Variants in HGD observed in about 807,000 individuals in gnomAD.
HGD encodes the protein homogentisate oxidase.
Under a neutral mutation model 60.8 loss-of-function variants are expected in HGD, and 61 were observed. That is an observed-to-expected ratio of 1.00 (90% CI 0.82 to 1.24). The LOEUF (loss-of-function observed/expected upper bound fraction) is 1.24. HGD is among the 50% of genes most tolerant of loss of function. HGD has a pLI of 0.00. For synonymous variants in HGD, 212 were observed against 187.7 expected, an observed-to-expected ratio of 1.13 and a Z score of -1.06; for missense variants, 542 against 547.1, an observed-to-expected ratio of 0.99 and a Z score of 0.09.
In HGD at chr3:120,674,929, T is replaced by C; in HGVS notation, c.148A>G (p.Thr50Ala). Residue 50 changes from threonine (T) to alanine (A), a missense_variant, in exon 3 of 14, where the codon ACT becomes GCT. Around this residue, in one of 2 missense-constraint regions of HGD, gnomAD observed 537 missense variants for 529.1 expected, o/e 1.01. Coordinates refer to ENST00000283871, the MANE Select transcript of HGD (RefSeq NM_000187.4). ...YAEQLSGSAF[T>A]CPRSTNKRSW... ...CTCTTATTGGTGCTCCGTGGACAAG[T>C]GAAAGCCGATCCTGAGAGCTGCTCA... 2 of 1,611,616 alleles carry C rather than the reference T, an allele frequency of 1.2e-6. No individual in the cohort carries two copies. Among genetic ancestry groups the C allele is most frequent in the Non-Finnish European group, 8.5e-7 (1 of 1,178,038 alleles).
chr3:120,648,164 AAAG>A (rs1415854509), intron 6 of HGD, among the ~76,000 whole-genome samples: 1 of 152,190 alleles, frequency 6.6e-6, no homozygotes, highest in African/African-American at 2.4e-5. Flanking sequence ...TGAGGGAATG[AAAG>A]AATAGCGACT....
intron 1 of HGD, among the ~76,000 whole-genome samples, chr3:120,677,711 A>C (rs753207617): frequency 1.5e-4 from 23 of 152,136 alleles, no homozygotes; most frequent in Non-Finnish European, 2.9e-4. Flanking sequence ...ACCCACACCT[A>C]TTTGCACACT....
chr3:120,650,483 T>C (rs1941303961), intron 6 of HGD, among the ~76,000 whole-genome samples: 1 of 152,246 alleles, frequency 6.6e-6, no homozygotes, highest in Non-Finnish European at 1.5e-5. Context: ...AAAGTCAAAA[T>C]GCCTTTCGAT....
At chr3:120,659,171 G>A (rs965352986) in intron 4 of HGD, among the ~76,000 whole-genome samples, 2 of 152,078 alleles carry the variant, frequency 1.3e-5, no homozygotes, top group Admixed American at 6.5e-5. Context: ...TCTACCACAT[G>A]GCCAGGCTGC....
Position 120,682,164 on chromosome 3 carries a change from T to C in HGD, c.-53A>G, listed in dbSNP as rs1576324321. Reference sequence around the variant, plus strand: ...TCAGGAAACCCAGGCCCAGAGGATATAAAGCCACAATGCTTCTTTCTCCTT... The same window carrying C: ...TCAGGAAACCCAGGCCCAGAGGATACAAAGCCACAATGCTTCTTTCTCCTT... On this transcript the variant is annotated 5_prime_UTR_variant, in exon 1 of 14. Transcript: ENST00000283871. The C allele has an allele frequency of 1.3e-6, 2 of 1,569,012 alleles. No individual in the cohort carries two copies. Among genetic ancestry groups the C allele is most frequent in the East Asian group, 2.2e-5 (1 of 44,714 alleles).
At chr3:120,677,581 T>C (rs1170290501) in intron 1 of HGD, among the ~76,000 whole-genome samples, 2 of 152,206 alleles carry the variant, frequency 1.3e-5, no homozygotes, top group Non-Finnish European at 2.9e-5. Context: ...TCAATGACAA[T>C]GGTGCCCGAA....
intron 4 of HGD, among the ~76,000 whole-genome samples, chr3:120,662,034 G>A (rs570232885): frequency 3.3e-5 from 5 of 152,162 alleles, no homozygotes; most frequent in Admixed American, 6.5e-5. Context: ...ATTTAGATGG[G>A]TGAGTATTTG....
intron 13 of HGD, among the ~76,000 whole-genome samples, chr3:120,631,635 T>A (rs1940594508): frequency 6.6e-6 from 1 of 152,218 alleles, no homozygotes. Context: ...AAAAGCCCCA[T>A]CCCAGCTGAC....
chr3:120,681,598 C>T (rs1042771605), intron 1 of HGD, among the ~76,000 whole-genome samples: 12 of 152,300 alleles, frequency 7.9e-5, no homozygotes, highest in African/African-American at 2.6e-4. Flanking sequence ...CAGCACATAA[C>T]CCACACATAC....
intron 4 of HGD, among the ~76,000 whole-genome samples, chr3:120,665,815 T>C (rs1707886740): frequency 6.6e-6 from 1 of 152,178 alleles, no homozygotes; most frequent in Non-Finnish European, 1.5e-5. Flanking sequence ...TGTGGATAGT[T>C]GGTGAAGCTG....
intron 4 of HGD, among the ~76,000 whole-genome samples, chr3:120,663,508 C>T (rs760632439): frequency 2.6e-4 from 40 of 152,104 alleles, no homozygotes; most frequent in Admixed American, 2.1e-3. Context: ...AGGTCCCTCC[C>T]GTAACACGTG....
At chr3:120,644,951 G>C (rs912457250) in intron 9 of HGD, among the ~76,000 whole-genome samples, 2 of 152,170 alleles carry the variant, frequency 1.3e-5, no homozygotes, top group Non-Finnish European at 2.9e-5. Flanking sequence ...AACCCTGTCT[G>C]CCACTCAGGA....
At chr3:120,662,648 A>G (rs997663888) in intron 4 of HGD, among the ~76,000 whole-genome samples, 33 of 152,206 alleles carry the variant, frequency 2.2e-4, no homozygotes, top group African/African-American at 8.0e-4. Flanking sequence ...CTATTGCTCA[A>G]GGAGTTCCTC....
intron 4 of HGD, among the ~76,000 whole-genome samples, chr3:120,662,991 TG>T (rs1004688430): frequency 1.6e-4 from 25 of 151,988 alleles, no homozygotes; most frequent in Non-Finnish European, 8.8e-5. Context: ...GAAGATGATG[TG>T]AGGAGCCAAG....
intron 4 of HGD, among the ~76,000 whole-genome samples, chr3:120,664,459 A>C (rs1233929901): frequency 1.0e-5 from 1 of 96,362 alleles, no homozygotes; most frequent in African/African-American, 3.9e-5. Context: ...ATAGGGTTTC[A>C]CACTGTTGCC....
At chr3:120,648,485 A>G (rs566569698) in intron 6 of HGD, among the ~76,000 whole-genome samples, 1 of 152,362 alleles carries the variant, frequency 6.6e-6, no homozygotes, top group East Asian at 1.9e-4. Flanking sequence ...TCGCTCAGCC[A>G]GGAAATGTAG....
intron 4 of HGD, among the ~76,000 whole-genome samples, chr3:120,660,917 A>C (rs1941642436): frequency 6.6e-6 from 1 of 152,236 alleles, no homozygotes; most frequent in African/African-American, 2.4e-5. Context: ...ATGTAAAGCT[A>C]AGAGCTTTAA....
chr3:120,668,531 G>A (rs2298957), intron 4 of HGD, among the ~76,000 whole-genome samples: 4,345 of 152,038 alleles, frequency 0.029, 136 homozygotes, highest in African/African-American at 0.076. Context: ...GGGAGAGAGG[G>A]AGGAGAGAGA....
rs1708241137 is a variant in HGD at position 120,682,150 on chromosome 3, A to T, written c.-39T>A. The T allele has an allele frequency of 6.2e-7, 1 of 1,606,508 alleles. No homozygotes were observed. The highest frequency in any genetic ancestry group is 1.3e-5 in the African/African-American group (1 of 74,788). On this transcript the variant is annotated 5_prime_UTR_variant, in exon 1 of 14. Coordinates refer to ENST00000283871, the MANE Select transcript of HGD (RefSeq NM_000187.4). The stretch of plus-strand genomic sequence containing the variant: ...TATGTGTGGTGACTTCAGGAAACCC[A>T]GGCCCAGAGGATATAAAGCCACAAT...
Sources: allele counts gnomAD v4.1 joint callset (sites outside exome capture counted in the v4.1 genomes callset), GRCh38; gene constraint gnomAD v4.1.1; regional missense constraint gnomAD v4.1.1; transcripts MANE v1.5; gene names NCBI Gene and HGNC (gene_info 2026-07-23, HGNC 2026-07-21).